DPP10: variants seen among roughly 807,000 people sequenced by gnomAD.
DPP10 encodes dipeptidyl peptidase like 10.
A neutral mutation model predicts 120.9 loss-of-function variants in DPP10; 33 were observed. The ratio of observed to expected loss-of-function variants is 0.27; its 90% CI spans 0.21 to 0.37. The LOEUF is 0.37. Ranked by LOEUF, DPP10 falls within the 10% of genes least tolerant of loss-of-function variation. The pLI, the probability that DPP10 is intolerant of heterozygous loss-of-function variation, is 1.00. For missense variants in DPP10, 816 were observed against 942.8 expected (o/e 0.87, Z 1.76); for synonymous variants, 337 against 326.1 (o/e 1.03, Z -0.36).
intron 1 of DPP10, among the ~76,000 whole-genome samples, chr2:114,719,848 A>G (rs1385225285): frequency 6.6e-6 from 1 of 152,200 alleles, no homozygotes; most frequent in Non-Finnish European, 1.5e-5. Flanking sequence ...GGGTTAGCAA[A>G]TGATTTTTAG....
At chr2:114,702,621 A>G (rs1700452019) in intron 1 of DPP10, among the ~76,000 whole-genome samples, 1 of 152,110 alleles carries the variant, frequency 6.6e-6, no homozygotes, top group African/African-American at 2.4e-5. Flanking sequence ...GACACTTAAA[A>G]TGCCTATTTC....
rs1219783567 is a variant in DPP10, at chr2:115,220,803, T to A, written c.61-88436T>A. On this transcript the variant is annotated intron_variant, in intron 1 of 25. Coordinates refer to ENST00000410059, the MANE Select transcript of DPP10 (RefSeq NM_020868.6). ...GGGAAATACAACAATAATTTGCTACTGCTGTGCCATGCACTGCACTACATA... is the reference window on the plus strand; with the variant it reads ...GGGAAATACAACAATAATTTGCTACAGCTGTGCCATGCACTGCACTACATA... 3.9e-5 allele frequency among the ~76,000 whole-genome samples: 6 copies of A among 152,176 alleles called. 2 individuals carry two copies. The highest frequency in any genetic ancestry group is 3.9e-4 in the Admixed American group (6 of 15,276).
intron 3 of DPP10, among the ~76,000 whole-genome samples, chr2:115,389,572 A>G (rs1167868626): frequency 1.3e-4 from 20 of 152,146 alleles, no homozygotes; most frequent in Admixed American, 1.3e-3. Context: ...ACCTTGTTGA[A>G]CCTAATGTTA....
At chr2:115,735,655 G>C (rs544522951) in intron 8 of DPP10, among the ~76,000 whole-genome samples, 43 of 148,618 alleles carry the variant, frequency 2.9e-4, no homozygotes, top group African/African-American at 1.0e-3. Context: ...TGAGTAACTG[G>C]CATTACAGGT....
intron 3 of DPP10, among the ~76,000 whole-genome samples, chr2:115,390,630 G>T (rs2067255764): frequency 6.6e-6 from 1 of 152,080 alleles, no homozygotes; most frequent in Non-Finnish European, 1.5e-5. Flanking sequence ...CGTTGAGAGA[G>T]AAATGAATTT....
chr2:114,856,682 A>T (rs1689396403), intron 1 of DPP10, among the ~76,000 whole-genome samples: 1 of 152,210 alleles, frequency 6.6e-6, no homozygotes, highest in African/African-American at 2.4e-5. Context: ...AAGACATGCA[A>T]AACTAATCTC....
chr2:115,329,591 C>G (rs1237533069), intron 2 of DPP10, among the ~76,000 whole-genome samples: 2 of 152,116 alleles, frequency 1.3e-5, no homozygotes, highest in Admixed American at 6.6e-5. Context: ...CCCCGCTCCC[C>G]CTACCCAATG....
chr2:114,447,601 C>T (rs1573373758), intron 1 of DPP10, among the ~76,000 whole-genome samples: 1 of 152,078 alleles, frequency 6.6e-6, no homozygotes, highest in East Asian at 1.9e-4. Context: ...TCTTCCTATT[C>T]CTAATCCTAA....
chr2:114,510,815 T>G (rs1684082305), intron 1 of DPP10, among the ~76,000 whole-genome samples: 1 of 152,360 alleles, frequency 6.6e-6, no homozygotes, highest in South Asian at 2.1e-4. Flanking sequence ...AGGTTCACAG[T>G]GATGCACGTC....
intron 1 of DPP10, among the ~76,000 whole-genome samples, chr2:115,196,746 C>T (rs2055304246): frequency 1.3e-5 from 2 of 152,110 alleles, no homozygotes; most frequent in Admixed American, 1.3e-4. Context: ...ATTCATGAAT[C>T]CTTTGGAGCT....
intron 3 of DPP10, among the ~76,000 whole-genome samples, chr2:115,368,287 C>T (rs2065197086): frequency 6.6e-6 from 1 of 152,210 alleles, no homozygotes; most frequent in East Asian, 1.9e-4. Context: ...TCTCTCCTTT[C>T]CTTCTGGTAG....
At chr2:115,613,016 C>T (rs192208378) in intron 5 of DPP10, among the ~76,000 whole-genome samples, 1 of 152,168 alleles carries the variant, frequency 6.6e-6, no homozygotes, top group South Asian at 2.1e-4. Context: ...ATGTGTGTAG[C>T]CACAACTACT....
chr2:114,643,676 G>A (rs1695882802), intron 1 of DPP10, among the ~76,000 whole-genome samples: 1 of 151,756 alleles, frequency 6.6e-6, no homozygotes, highest in Non-Finnish European at 1.5e-5. Context: ...CTGTAGTCAG[G>A]ACAATCAGTA....
intron 1 of DPP10, among the ~76,000 whole-genome samples, chr2:114,780,704 C>A (rs1682243610): frequency 6.6e-6 from 1 of 151,846 alleles, no homozygotes; most frequent in African/African-American, 2.4e-5. Flanking sequence ...TGTTAAATTG[C>A]ATTTAAGATA....
At chr2:114,791,194 A>C (rs1409079196) in intron 1 of DPP10, among the ~76,000 whole-genome samples, 1 of 152,150 alleles carries the variant, frequency 6.6e-6, no homozygotes, top group African/African-American at 2.4e-5. Flanking sequence ...TAATTTCTCC[A>C]TTTCTGAATA....
At chr2:114,657,185 T>A (rs1365958070) in intron 1 of DPP10, among the ~76,000 whole-genome samples, 1 of 152,208 alleles carries the variant, frequency 6.6e-6, no homozygotes, top group Non-Finnish European at 1.5e-5. Context: ...TATATTACCA[T>A]AAAAAGTTTC....
In DPP10 at chr2:114,671,601, C is replaced by T. The variant is rs190160354; in HGVS notation, c.60+228763C>T. 5.3e-5 allele frequency among the ~76,000 whole-genome samples: 8 copies of T among 152,242 alleles called. No homozygotes were observed. In the East Asian group the frequency reaches 1.4e-3, roughly 26 times the overall value. Reference sequence around the variant, plus strand: ...CTAACATAATAGGATTTGGTAATATCATGGTGCCAAGCATCCACTGGGGGT... The same window carrying T: ...CTAACATAATAGGATTTGGTAATATTATGGTGCCAAGCATCCACTGGGGGT... On this transcript the variant is annotated intron_variant, in intron 1 of 25. Transcript: ENST00000410059.
intron 1 of DPP10, among the ~76,000 whole-genome samples, chr2:114,584,742 G>A (rs985426776): frequency 2.6e-5 from 4 of 151,812 alleles, no homozygotes; most frequent in Non-Finnish European, 4.4e-5. Flanking sequence ...TGAACTTGTC[G>A]TGGCCTGACA....
chr2:115,708,639 G>C (rs2092215034), intron 7 of DPP10, among the ~76,000 whole-genome samples: 1 of 151,514 alleles, frequency 6.6e-6, no homozygotes, highest in African/African-American at 2.4e-5. Flanking sequence ...CTTTTTTTGG[G>C]GAAAATTTTC....
Sources: allele counts gnomAD v4.1 joint callset (sites outside exome capture counted in the v4.1 genomes callset), GRCh38; gene constraint gnomAD v4.1.1; transcripts MANE v1.5; gene names NCBI Gene and HGNC (gene_info 2026-07-23, HGNC 2026-07-21).